Variants in ANOS1 observed in about 807,000 individuals in gnomAD.
ANOS1 encodes anosmin 1, also known as anosmin-1.
Under a neutral mutation model 59.0 loss-of-function variants are expected in ANOS1, and 6 were observed. The ratio of observed to expected loss-of-function variants is 0.10; its 90% CI spans 0.06 to 0.20. The LOEUF (loss-of-function observed/expected upper bound fraction) is 0.20, where lower values mean the gene tolerates loss of function less well. Among genes scored for constraint, ANOS1 ranks in the 10% least tolerant of loss-of-function variants. The pLI, the probability that ANOS1 is intolerant of heterozygous loss-of-function variation, is 1.00. For missense variants in ANOS1, 433 were observed against 542.3 expected (o/e 0.80, Z 2.00); for synonymous variants, 217 against 223.4 (o/e 0.97, Z 0.25).
intron 2 of ANOS1, among the ~76,000 whole-genome samples, chrX:8,655,916 G>C (rs2146867574): frequency 8.9e-6 from 1 of 112,589 alleles, no homozygotes; most frequent in African/African-American, 3.2e-5. Context: ...AATTTTATCT[G>C]ATGGTATGTC....
chrX:8,617,506 C>T (rs924446681), intron 3 of ANOS1, among the ~76,000 whole-genome samples: 2 of 111,426 alleles, frequency 1.8e-5, no homozygotes, highest in Non-Finnish European at 3.8e-5. Context: ...TTTGGCCAGG[C>T]GCAGTGGCTC....
intron 6 of ANOS1, among the ~76,000 whole-genome samples, chrX:8,577,091 C>A (rs1418497928): frequency 9.0e-6 from 1 of 111,405 alleles, no homozygotes; most frequent in Non-Finnish European, 1.9e-5. Flanking sequence ...AAATTTGGAC[C>A]CTGGGCCACA....
chrX:8,665,662 C>T (rs1292783351), intron 2 of ANOS1, among the ~76,000 whole-genome samples: 3 of 111,963 alleles, frequency 2.7e-5, no homozygotes, highest in Non-Finnish European at 5.6e-5. Flanking sequence ...GTAAATATTG[C>T]AGGTGCTGAG....
chrX:8,695,252 C>T (rs1295752527), intron 2 of ANOS1, among the ~76,000 whole-genome samples: 1 of 112,043 alleles, frequency 8.9e-6, no homozygotes, highest in African/African-American at 3.2e-5. Context: ...GCGGAGGTTG[C>T]AGTGAGCAGA....
At position 8,594,715 on chromosome X, in the gene ANOS1, T is replaced by C. The variant is rs1446062130; in HGVS notation, c.541+2319A>G. ...ATATATATACACATATATATACACA[T>C]ATATATATCTACATATATATGTGTA... On this transcript the variant is annotated intron_variant, in intron 4 of 13. Coordinates refer to ENST00000262648, the MANE Select transcript of ANOS1 (RefSeq NM_000216.4). Among the ~76,000 whole-genome samples the C allele has an allele frequency of 7.8e-4, 63 of 81,286 alleles. 2 individuals carry two copies. Among genetic ancestry groups the C allele is most frequent in the African/African-American group, 2.6e-3 (55 of 21,313 alleles). 70.6% of individuals were successfully genotyped at this position (81,286 alleles called of 115,157 possible).
chrX:8,557,969 A>G (rs773732604), intron 8 of ANOS1, among the ~76,000 whole-genome samples: 2 of 112,133 alleles, frequency 1.8e-5, no homozygotes, highest in Non-Finnish European at 3.8e-5. Context: ...TGTGGCATAC[A>G]CACCATGGAA....
intron 2 of ANOS1, among the ~76,000 whole-genome samples, chrX:8,666,283 A>G (rs889687407): frequency 8.0e-5 from 9 of 111,875 alleles, no homozygotes; most frequent in South Asian, 3.7e-4. Context: ...ATTTACCAGT[A>G]TGAAGAGTCC....
chrX:8,706,570 G>A (rs1308897016), intron 1 of ANOS1, among the ~76,000 whole-genome samples: 1 of 112,099 alleles, frequency 8.9e-6, no homozygotes, highest in Non-Finnish European at 1.9e-5. Flanking sequence ...ATGTGCCAAC[G>A]TAGGTTCATC....
At chrX:8,619,440 C>T (rs1039816964) in intron 3 of ANOS1, among the ~76,000 whole-genome samples, 5 of 110,629 alleles carry the variant, frequency 4.5e-5, no homozygotes, top group African/African-American at 6.6e-5. Context: ...CCCGTCTCTA[C>T]TAAAAATACA....
Position 8,535,652 on chromosome X carries a change from G to A in ANOS1, c.1781C>T (p.Thr594Met), listed in dbSNP as rs765282258. ...GFQVTWAEVT[T>M]ESRQNSLPNS... ...GGGTAGGCTGTTCTGTCTGCTTTCCGTAGTGACCTCAGCCCAAGTCACTTG... is the reference window on the plus strand; with the variant it reads ...GGGTAGGCTGTTCTGTCTGCTTTCCATAGTGACCTCAGCCCAAGTCACTTG... The change falls in exon 12 of 14, where the codon ACG becomes ATG. Residue 594 changes from threonine to methionine, a missense_variant. Thr to Met is a moderately conservative substitution (Grantham distance 81, BLOSUM62 -1). Coordinates refer to ENST00000262648, the MANE Select transcript of ANOS1 (RefSeq NM_000216.4). 3.3e-6 allele frequency: 4 copies of A among 1,210,296 alleles called. No individual in the cohort carries two copies. The highest frequency in any genetic ancestry group is 1.8e-5 in the South Asian group (1 of 56,945).
intron 4 of ANOS1, among the ~76,000 whole-genome samples, chrX:8,594,436 G>A (rs1930674390): frequency 9.5e-6 from 1 of 105,671 alleles, no homozygotes; most frequent in Non-Finnish European, 1.9e-5. Context: ...CCTCTTTTGA[G>A]AGTGAAGAAG....
intron 2 of ANOS1, among the ~76,000 whole-genome samples, chrX:8,690,968 G>A (rs1467200752): frequency 2.7e-5 from 3 of 111,769 alleles, no homozygotes; most frequent in African/African-American, 9.8e-5. Flanking sequence ...AGAAAGATAA[G>A]CATGCAGGCT....
At chrX:8,658,487 A>ATTT (rs1931970639) in intron 2 of ANOS1, among the ~76,000 whole-genome samples, 3 of 110,828 alleles carry the variant, frequency 2.7e-5, no homozygotes, top group African/African-American at 9.9e-5. Flanking sequence ...CTGTTTTTTA[A>ATTT]CCTCCATGCC....
intron 2 of ANOS1, among the ~76,000 whole-genome samples, chrX:8,662,317 CTTCAGA>C (rs771646920): frequency 5.4e-4 from 61 of 112,008 alleles, no homozygotes; most frequent in African/African-American, 2.0e-3. Context: ...CCATCACTGT[CTTCAGA>C]TTCTTAATTT....
At chrX:8,636,308 T>C (rs1405390516) in intron 2 of ANOS1, among the ~76,000 whole-genome samples, 1 of 111,795 alleles carries the variant, frequency 8.9e-6, no homozygotes, top group Non-Finnish European at 1.9e-5. Flanking sequence ...CTAATGACCT[T>C]ACAAAATGCG....
chrX:8,665,785 A>G (rs1485645792), intron 2 of ANOS1, among the ~76,000 whole-genome samples: 1 of 112,713 alleles, frequency 8.9e-6, no homozygotes, highest in East Asian at 2.8e-4. Context: ...TTAAGAGATA[A>G]TGGTGGCAAT....
intron 9 of ANOS1, among the ~76,000 whole-genome samples, chrX:8,547,818 G>A (rs1245588134): frequency 9.0e-6 from 1 of 111,377 alleles, no homozygotes; most frequent in African/African-American, 3.3e-5. Flanking sequence ...CCGGGTTCAA[G>A]CGAATCTCCT....
chrX:8,693,888 T>C (rs145966082), intron 2 of ANOS1, among the ~76,000 whole-genome samples: 2 of 109,625 alleles, frequency 1.8e-5, no homozygotes, highest in South Asian at 4.0e-4. Flanking sequence ...CATGCCCAGA[T>C]AATTTTTGTA....
intron 3 of ANOS1, among the ~76,000 whole-genome samples, chrX:8,597,460 A>C (rs899229565): frequency 1.8e-5 from 2 of 110,686 alleles, no homozygotes; most frequent in Non-Finnish European, 3.8e-5. Context: ...ATAAGTGATG[A>C]TTTTATATTG....
Sources: allele counts gnomAD v4.1 joint callset (sites outside exome capture counted in the v4.1 genomes callset), GRCh38; gene constraint gnomAD v4.1.1; transcripts MANE v1.5; gene names NCBI Gene and HGNC (gene_info 2026-07-23, HGNC 2026-07-21).